Variants in MBD3 observed in about 807,000 individuals in gnomAD.
The protein encoded by MBD3 is methyl-CpG binding domain protein 3, also known as methyl-CpG-binding domain protein 3.
In MBD3, 13 loss-of-function variants were observed where a neutral mutation model predicts 31.2. That is an observed-to-expected ratio of 0.42 (90% CI 0.27 to 0.66). The LOEUF (loss-of-function observed/expected upper bound fraction) is 0.66, where lower values mean the gene tolerates loss of function less well. Ranked by LOEUF, MBD3 falls within the 30% of genes least tolerant of loss-of-function variation. The pLI is 0.26. For missense variants in MBD3, 440 were observed against 426.5 expected, an observed-to-expected ratio of 1.03 and a Z score of -0.28; for synonymous variants, 223 against 187.4, an observed-to-expected ratio of 1.19 and a Z score of -1.55.
rs2145586613 is a variant in MBD3 at position 1,576,287 on chromosome 19, A to C, written c.*1877T>G. 6.6e-6 allele frequency: 1 copy of C among 152,288 alleles called. No homozygotes were observed. 9.4% of individuals were successfully genotyped at this position (152,288 alleles called of 1,614,324 possible). On this transcript the variant is annotated 3_prime_UTR_variant, in exon 7 of 7. Transcript: ENST00000434436. ...GAGCTGAAGTCCAGGGTCCCGGGGC[A>C]CAGCTCCCCTCCCTGCAGCGGCTGT...
chr19:1,581,282 G>A lies in MBD3; in HGVS notation c.500-13C>T, dbSNP rs937772059. The A allele has an allele frequency of 3.7e-6, 6 of 1,603,234 alleles. No homozygotes were observed. The highest frequency in any genetic ancestry group is 1.3e-5 in the African/African-American group (1 of 74,894). ...CCAGGTCCCACCCCTGCCAGGCAGTGGACAAACAGCCGCAAGTGGAGAGGT... is the reference window on the plus strand; with the variant it reads ...CCAGGTCCCACCCCTGCCAGGCAGTAGACAAACAGCCGCAAGTGGAGAGGT... On this transcript the variant is annotated splice_polypyrimidine_tract_variant and intron_variant, in intron 4 of 6. Transcript: ENST00000434436.
rs1023958430 is a variant in MBD3 at position 1,592,601 on chromosome 19, G to A, written c.31C>T (p.Leu11Phe). MERKRWECPA[L>F]PQGWEREEVP... is the part of the protein sequence containing the mutation. ...TCTTCCCTCTCCCAGCCCTGCGGGAGCGCCGGGCACTCCCACCTCTTCCGC... is the reference window on the plus strand; with the variant it reads ...TCTTCCCTCTCCCAGCCCTGCGGGAACGCCGGGCACTCCCACCTCTTCCGC... The change falls in exon 1 of 7, where the codon CTC becomes TTC. Residue 11 changes from leucine (L) to phenylalanine (F), a missense_variant. By Grantham distance (22) the Leu-to-Phe change is conservative. Coordinates refer to ENST00000434436, the MANE Select transcript of MBD3 (RefSeq NM_001281453.2). 42 of 1,405,844 alleles carry A rather than the reference G, an allele frequency of 3.0e-5. No individual in the cohort carries two copies. The highest frequency in any genetic ancestry group is 3.9e-5 in the Non-Finnish European group (41 of 1,054,768). The allele number at this position is 1,405,844 out of a possible 1,614,324, so 87.1% of individuals were successfully genotyped here.
rs1002490600 is a variant in MBD3, at chr19:1,585,873, G to C, written c.111-659C>G. The C allele has an allele frequency of 6.5e-6, 1 of 153,748 alleles. No individual in the cohort carries two copies. Among genetic ancestry groups the C allele is most frequent in the Admixed American group, 6.4e-5 (1 of 15,506 alleles). 9.5% of individuals were successfully genotyped at this position (153,748 alleles called of 1,614,324 possible). ...TGCTTGGGCATAACCCGACTGGAGA[G>C]CTCGCAACAAGGCAGCCAGGTAAAC... On this transcript the variant is annotated intron_variant, in intron 1 of 6. Coordinates refer to ENST00000434436, the MANE Select transcript of MBD3 (RefSeq NM_001281453.2). The surrounding 1 kb of genome is among the most constrained non-coding windows in gnomAD (Gnocchi z 4.1).
intron 5 of MBD3, among the ~76,000 whole-genome samples, chr19:1,579,288 C>T (rs953863443): frequency 3.3e-5 from 5 of 151,850 alleles, no homozygotes; most frequent in African/African-American, 1.2e-4. Flanking sequence ...TTTCCGCTGC[C>T]CACTATGCAC....
At chr19:1,584,458 C>G in intron 3 of MBD3, 82 bp downstream of exon 3, 2 of 1,584,240 alleles carry the variant, frequency 1.3e-6, no homozygotes, top group Non-Finnish European at 1.7e-6. Context: ...GTCCGCTCCA[C>G]GTACGACCTC....
At chr19:1,589,792 C>A (rs759900574) in intron 1 of MBD3, among the ~76,000 whole-genome samples, 1 of 151,938 alleles carries the variant, frequency 6.6e-6, no homozygotes, top group African/African-American at 2.4e-5. Flanking sequence ...TGTGACTGCA[C>A]CACTGCACTC....
Position 1,578,155 on chromosome 19 carries a change from G to A in MBD3, c.*9C>T, listed in dbSNP as rs1917253991. On this transcript the variant is annotated 3_prime_UTR_variant, in exon 7 of 7. Transcript: ENST00000434436. The surrounding 1 kb of genome is among the most constrained non-coding windows in gnomAD (Gnocchi z 6.1). The stretch of plus-strand genomic sequence containing the variant: ...GCAGGCAGCACGGGCTCTCGGCAGG[G>A]CCTCTGGAAAGGACAGGGAGGGCTG... The A allele has an allele frequency of 4.3e-6, 4 of 940,566 alleles. No individual in the cohort carries two copies. The highest frequency in any genetic ancestry group is 6.3e-6 in the Non-Finnish European group (4 of 634,212). The allele number at this position is 940,566 out of a possible 1,614,324, so 58.3% of individuals were successfully genotyped here.
chr19:1,589,427 C>G (rs1476245875), intron 1 of MBD3, among the ~76,000 whole-genome samples: 2 of 150,228 alleles, frequency 1.3e-5, no homozygotes, highest in Non-Finnish European at 1.5e-5. Flanking sequence ...CCAAGGAGGG[C>G]AGATCACCTG....
At chr19:1,583,397 A>G (rs1300780013) in intron 3 of MBD3, 1 of 151,380 alleles carries the variant, frequency 6.6e-6, no homozygotes, top group Admixed American at 6.6e-5. Flanking sequence ...CAAAAAAAAA[A>G]AAAAAAAAAA....
In MBD3 at chr19:1,577,185, AG is replaced by A. The variant is rs1366791629; in HGVS notation, c.*978del. 6.6e-6 allele frequency: 1 copy of A among 152,464 alleles called. No individual in the cohort carries two copies. Among genetic ancestry groups the A allele is most frequent in the Non-Finnish European group, 1.5e-5 (1 of 68,202 alleles). 9.4% of individuals were successfully genotyped at this position (152,464 alleles called of 1,614,324 possible). A position where few individuals can be genotyped will look rare whatever the true frequency, so the allele number is the denominator to read the frequency against. ...TGGGCAGCAGGGCCAGGAGGGCACCAGGGACTGGCCGCAGAGTCCACTCGGG... is the reference window on the plus strand; with the variant it reads ...TGGGCAGCAGGGCCAGGAGGGCACCAGGACTGGCCGCAGAGTCCACTCGGG... On this transcript the variant is annotated 3_prime_UTR_variant, in exon 7 of 7. Coordinates refer to ENST00000434436, the MANE Select transcript of MBD3 (RefSeq NM_001281453.2).
rs1222521995 is a variant in MBD3, at chr19:1,582,533, A to G, written c.499+89T>C. On this transcript the variant is annotated intron_variant, in intron 4 of 6. Transcript: ENST00000434436. Reference sequence around the variant, plus strand: ...CTAAGCACCCAAAGCAGGAACAGCCATCCACCCTGCCAGGAGATGAGGGCA... The same window carrying G: ...CTAAGCACCCAAAGCAGGAACAGCCGTCCACCCTGCCAGGAGATGAGGGCA... 14 of 1,263,068 alleles carry G rather than the reference A, an allele frequency of 1.1e-5. No individual in the cohort carries two copies. In the African/African-American group the frequency reaches 1.2e-4, roughly 11 times the overall value. The allele number at this position is 1,263,068 out of a possible 1,614,324, so 78.2% of individuals were successfully genotyped here.
In MBD3 at chr19:1,587,059, G is replaced by A. The variant is rs140668548; in HGVS notation, c.111-1845C>T. Among the ~76,000 whole-genome samples the A allele has an allele frequency of 6.7e-3, 1,006 of 150,640 alleles. 16 individuals are homozygous for A. Among genetic ancestry groups the A allele is most frequent in the African/African-American group, 0.023 (950 of 40,898 alleles). On this transcript the variant is annotated intron_variant, in intron 1 of 6. Transcript: ENST00000434436. ...TGGCTCACTGCAACCTCCGACTTCC[G>A]GGTTCACACCATTCTCCTGACTCAG...
intron 5 of MBD3, 149 bp downstream of exon 5, chr19:1,580,943 G>A (rs765606645): frequency 1.2e-5 from 12 of 1,013,018 alleles, no homozygotes; most frequent in Middle Eastern, 2.6e-4. Context: ...CTGCTCCGAC[G>A]ATGGGTCCCC....
intron 1 of MBD3, among the ~76,000 whole-genome samples, chr19:1,586,962 C>T (rs575267708): frequency 2.1e-4 from 31 of 151,066 alleles, no homozygotes; most frequent in Non-Finnish European, 3.0e-4. Context: ...TCACCGTGCC[C>T]GGCCTAATTT....
intron 4 of MBD3, 147 bp downstream of exon 4, chr19:1,582,475 C>A (rs916703811): frequency 2.7e-6 from 2 of 742,678 alleles, no homozygotes; most frequent in East Asian, 5.4e-5. Context: ...CACTGGGTCC[C>A]CTCCTCCTGC....
chr19:1,584,956 C>T, intron 2 of MBD3, 99 bp downstream of exon 2: 2 of 1,522,378 alleles, frequency 1.3e-6, no homozygotes, highest in South Asian at 1.2e-5. Flanking sequence ...ACCTCCTGCG[C>T]TCAGGACGCC....
chr19:1,583,387 C>CAAAAAAAAA (rs58372630), intron 3 of MBD3: 6 of 66,438 alleles, frequency 9.0e-5, no homozygotes, highest in Admixed American at 1.9e-4. Context: ...GACTCTGTCA[C>CAAAAAAAAA]AAAAAAAAAA....
chr19:1,580,218 G>T, intron 5 of MBD3, among the ~76,000 whole-genome samples: 1 of 152,212 alleles, frequency 6.6e-6, no homozygotes, highest in East Asian at 1.9e-4. Context: ...CCAAAAGAGG[G>T]GGCCCAGAGG....
At chr19:1,583,497 T>TG (rs1477646762) in intron 3 of MBD3, 7 of 152,010 alleles carry the variant, frequency 4.6e-5, no homozygotes, top group African/African-American at 1.7e-4. Context: ...CCTGTATCTG[T>TG]GGGTTCCATA....
Sources: gnomAD v4.1 joint callset for allele counts (sites outside exome capture counted in the v4.1 genomes callset) on GRCh38, gnomAD v4.1.1 for gene constraint, Gnocchi (gnomAD v3.1) non-coding constraint, MANE v1.5 for transcripts, NCBI Gene and HGNC (gene_info 2026-07-23, HGNC 2026-07-21) for gene names.